Variants in KCMF1 observed in about 807,000 individuals in gnomAD.
KCMF1 encodes potassium channel modulatory factor 1, also known as E3 ubiquitin-protein ligase KCMF1.
KCMF1 carries 3 observed loss-of-function variants against 41.1 expected under a neutral mutation model. The ratio of observed to expected loss-of-function variants is 0.07; its 90% CI spans 0.03 to 0.19. KCMF1 has a LOEUF of 0.19. Among genes scored for constraint, KCMF1 ranks in the 10% least tolerant of loss-of-function variants. KCMF1 has a pLI of 1.00. For synonymous variants in KCMF1, 142 were observed against 164.5 expected, an observed-to-expected ratio of 0.86 and a Z score of 1.04; for missense variants, 286 against 488.9, an observed-to-expected ratio of 0.58 and a Z score of 3.91.
chr2:84,973,523 C>G (rs998243608), intron 1 of KCMF1, among the ~76,000 whole-genome samples: 6 of 152,088 alleles, frequency 3.9e-5, no homozygotes, highest in Admixed American at 3.3e-4. Context: ...AGGAACATAC[C>G]TAAATACATC....
chr2:85,011,500 T>C (rs1674652167), intron 1 of KCMF1, among the ~76,000 whole-genome samples: 1 of 152,062 alleles, frequency 6.6e-6, no homozygotes, highest in Non-Finnish European at 1.5e-5. Context: ...AAACCATCAT[T>C]GCAAAAAAGG....
At chr2:85,018,306 C>G (rs1053384091) in intron 1 of KCMF1, among the ~76,000 whole-genome samples, 2 of 141,590 alleles carry the variant, frequency 1.4e-5, no homozygotes, top group African/African-American at 5.2e-5. Flanking sequence ...GAGTCCCGCT[C>G]TGTCACCAGA....
rs1558590485 is a variant in KCMF1 at position 85,056,103 on chromosome 2, A to G, written c.*2694A>G. 1 of 148,362 alleles carries G rather than the reference A, an allele frequency of 6.7e-6. No individual in the cohort carries two copies. Among genetic ancestry groups the G allele is most frequent in the Non-Finnish European group, 1.5e-5 (1 of 67,700 alleles). The allele number at this position is 148,362 out of a possible 1,614,324, so 9.2% of individuals were successfully genotyped here. On this transcript the variant is annotated 3_prime_UTR_variant, in exon 7 of 7. Transcript: ENST00000409785. ...CGTGAAATCTTTGTATTTATATTGC[A>G]TTGTTTTGTTAAAAAAAAAAAAATC...
At chr2:85,044,595 C>G (rs915454459) in intron 4 of KCMF1, among the ~76,000 whole-genome samples, 3 of 152,118 alleles carry the variant, frequency 2.0e-5, no homozygotes, top group Non-Finnish European at 4.4e-5. Flanking sequence ...AGGCTGGTCT[C>G]TTGGCCATGC....
intron 1 of KCMF1, among the ~76,000 whole-genome samples, chr2:85,026,678 G>C (rs894305165): frequency 2.1e-5 from 3 of 142,528 alleles, no homozygotes; most frequent in African/African-American, 7.9e-5. Context: ...TTTGTAGACA[G>C]GATCTCTCTA....
In KCMF1 at chr2:85,056,771, T is replaced by G. The variant is rs1054812914; in HGVS notation, c.*3362T>G. Reference sequence around the variant, plus strand: ...TGGAGGAATGGGTGCTAAAAGCTCTTAACAGTTTTGTAGAGAAGCCCTGCA... The same window carrying G: ...TGGAGGAATGGGTGCTAAAAGCTCTGAACAGTTTTGTAGAGAAGCCCTGCA... On this transcript the variant is annotated 3_prime_UTR_variant, in exon 7 of 7. Coordinates refer to ENST00000409785, the MANE Select transcript of KCMF1 (RefSeq NM_020122.5). 6.6e-6 allele frequency: 1 copy of G among 150,866 alleles called. No individual in the cohort carries two copies. Among genetic ancestry groups the G allele is most frequent in the Admixed American group, 6.6e-5 (1 of 15,222 alleles). 9.3% of individuals were successfully genotyped at this position (150,866 alleles called of 1,614,324 possible). A position where few individuals can be genotyped will look rare whatever the true frequency, so the allele number is the denominator to read the frequency against.
intron 1 of KCMF1, among the ~76,000 whole-genome samples, chr2:84,988,451 G>C (rs72838128): frequency 0.15 from 22,436 of 152,132 alleles, 2,223 homozygotes; most frequent in East Asian, 0.42. Context: ...CAGTTTTATA[G>C]ATGAGGAAAT....
At chr2:85,022,929 C>T (rs1384166941) in intron 1 of KCMF1, among the ~76,000 whole-genome samples, 2 of 130,610 alleles carry the variant, frequency 1.5e-5, no homozygotes, top group African/African-American at 5.9e-5. Context: ...CGCTCTGTTG[C>T]CCAGGCTAGA....
chr2:84,997,155 CAT>C (rs879733443), intron 1 of KCMF1, among the ~76,000 whole-genome samples: 32 of 152,310 alleles, frequency 2.1e-4, no homozygotes, highest in Admixed American at 7.2e-4. Context: ...ACTACTCAGT[CAT>C]AGAACAGGTT....
Position 85,056,634 on chromosome 2 carries a change from G to A in KCMF1, c.*3225G>A, listed in dbSNP as rs971781843. Reference sequence around the variant, plus strand: ...TACGGTAGCAGGTGGCTGCAGAAAAGAATCTTTTGAATGGGATTCCTGTAA... The same window carrying A: ...TACGGTAGCAGGTGGCTGCAGAAAAAAATCTTTTGAATGGGATTCCTGTAA... On this transcript the variant is annotated 3_prime_UTR_variant, in exon 7 of 7. Coordinates refer to ENST00000409785, the MANE Select transcript of KCMF1 (RefSeq NM_020122.5). 6.6e-6 allele frequency: 1 copy of A among 151,780 alleles called. No individual in the cohort carries two copies. Among genetic ancestry groups the A allele is most frequent in the African/African-American group, 2.4e-5 (1 of 41,408 alleles). The allele number at this position is 151,780 out of a possible 1,614,324, so 9.4% of individuals were successfully genotyped here.
At chr2:85,013,319 A>C (rs967063711) in intron 1 of KCMF1, among the ~76,000 whole-genome samples, 1 of 152,186 alleles carries the variant, frequency 6.6e-6, no homozygotes, top group Non-Finnish European at 1.5e-5. Context: ...ACCTCAGTAC[A>C]ATGAGCTGTC....
intron 6 of KCMF1, 100 bp from the exon 7 acceptor site, chr2:85,053,048 C>A: frequency 9.4e-7 from 1 of 1,062,616 alleles, no homozygotes; most frequent in Non-Finnish European, 1.3e-6. Context: ...CTGAATTTTG[C>A]CACCTGTAAA....
chr2:85,010,735 C>T (rs1419339444), intron 1 of KCMF1, among the ~76,000 whole-genome samples: 1 of 152,088 alleles, frequency 6.6e-6, no homozygotes, highest in African/African-American at 2.4e-5. Flanking sequence ...TCTAGTCAGT[C>T]TCTACCACTA....
At chr2:85,012,069 T>C (rs1674666444) in intron 1 of KCMF1, among the ~76,000 whole-genome samples, 1 of 152,218 alleles carries the variant, frequency 6.6e-6, no homozygotes, top group African/African-American at 2.4e-5. Flanking sequence ...TCAAGTGTTC[T>C]TGAAATGTAG....
chr2:84,988,556 C>A (rs1559126903), intron 1 of KCMF1, among the ~76,000 whole-genome samples: 1 of 152,170 alleles, frequency 6.6e-6, no homozygotes, highest in Non-Finnish European at 1.5e-5. Context: ...ACATTAAGCT[C>A]TGTACCAAGA....
intron 1 of KCMF1, among the ~76,000 whole-genome samples, chr2:84,983,747 G>GT (rs1309109984): frequency 6.6e-6 from 1 of 152,110 alleles, no homozygotes; most frequent in Non-Finnish European, 1.5e-5. Context: ...CTAACCTCAG[G>GT]TGATCCACCC....
At chr2:84,972,202 T>G (rs1673416095) in intron 1 of KCMF1, 1 of 152,292 alleles carries the variant, frequency 6.6e-6, no homozygotes, top group Non-Finnish European at 1.5e-5. Context: ...CTCGCCGGCA[T>G]GTGCTGCCTA....
In KCMF1 at chr2:85,043,722, T is replaced by C. The variant is rs965872283; in HGVS notation, c.426+57T>C. ...TTGTTTGTAATGTTTGTCATTTTGA[T>C]TTTTTGTTTTGGAGACAAGATCTCG... On this transcript the variant is annotated intron_variant, in intron 4 of 6. Coordinates refer to ENST00000409785, the MANE Select transcript of KCMF1 (RefSeq NM_020122.5). 3.9e-6 allele frequency: 5 copies of C among 1,270,102 alleles called. No individual in the cohort carries two copies. The African/African-American group carries it at 7.3e-5, about 19-fold the overall frequency. The allele number at this position is 1,270,102 out of a possible 1,614,324, so 78.7% of individuals were successfully genotyped here.
chr2:85,004,349 A>G (rs562637007), intron 1 of KCMF1, among the ~76,000 whole-genome samples: 1 of 152,148 alleles, frequency 6.6e-6, no homozygotes, highest in East Asian at 1.9e-4. Context: ...GCCTCTACTA[A>G]AAGTACAAAA....
Sources: gnomAD v4.1 joint callset for allele counts (sites outside exome capture counted in the v4.1 genomes callset) on GRCh38, gnomAD v4.1.1 for gene constraint, MANE v1.5 for transcripts, NCBI Gene and HGNC (gene_info 2026-07-23, HGNC 2026-07-21) for gene names.